The following RIC8B variants were observed in gnomAD, a reference collection of about 807,000 sequenced individuals.
RIC8B encodes chaperone Ric-8B.
Under a neutral mutation model 57.5 loss-of-function variants are expected in RIC8B, and 16 were observed. The observed-to-expected ratio is 0.28, with a 90% CI of 0.19 to 0.42. The LOEUF (loss-of-function observed/expected upper bound fraction) is 0.42, where lower values mean the gene tolerates loss of function less well. Ranked by LOEUF, RIC8B falls within the 10% of genes least tolerant of loss-of-function variation. The probability of loss-of-function intolerance (pLI) is 1.00; values close to 1 mark genes in which losing one functional copy is unlikely to be tolerated. For synonymous variants in RIC8B, 216 were observed against 250.8 expected (o/e 0.86, Z 1.31); for missense variants, 481 against 677.0 (o/e 0.71, Z 3.21).
At chr12:106,792,925 G>T (rs985626679) in intron 2 of RIC8B, among the ~76,000 whole-genome samples, 2 of 152,194 alleles carry the variant, frequency 1.3e-5, no homozygotes, top group Non-Finnish European at 2.9e-5. Context: ...AAGAATATAC[G>T]GTTCCCTTTC....
chr12:106,878,765 G>A (rs912783516), intron 9 of RIC8B, among the ~76,000 whole-genome samples: 11 of 152,074 alleles, frequency 7.2e-5, no homozygotes, highest in Admixed American at 5.2e-4. Context: ...AATAGCAGCC[G>A]CCCTCATTAA....
intron 2 of RIC8B, among the ~76,000 whole-genome samples, chr12:106,804,463 G>A (rs1433109887): frequency 1.3e-5 from 2 of 152,122 alleles, no homozygotes; most frequent in African/African-American, 2.4e-5. Flanking sequence ...TGATCCGCCC[G>A]CCTTGGCCTC....
chr12:106,782,531 C>A (rs970312633), intron 1 of RIC8B, among the ~76,000 whole-genome samples: 1 of 152,176 alleles, frequency 6.6e-6, no homozygotes, highest in Non-Finnish European at 1.5e-5. Flanking sequence ...ACACCTCCGT[C>A]GTAGTCTTCC....
At position 106,886,230 on chromosome 12, in the gene RIC8B, G is replaced by T; in HGVS notation, c.*215G>T. 2.2e-6 allele frequency: 1 copy of T among 458,196 alleles called. No individual in the cohort carries two copies. Among genetic ancestry groups the T allele is most frequent in the East Asian group, 3.4e-5 (1 of 29,164 alleles). The allele number at this position is 458,196 out of a possible 1,614,324, so 28.4% of individuals were successfully genotyped here. On this transcript the variant is annotated 3_prime_UTR_variant, in exon 10 of 10. Coordinates refer to ENST00000392837, the MANE Select transcript of RIC8B (RefSeq NM_001330145.2). ...GAGCTGCAGTTAGACGGGGTTACGGGGGCTAAAAGCAGAAAAAAAATTCCA... is the reference window on the plus strand; with the variant it reads ...GAGCTGCAGTTAGACGGGGTTACGGTGGCTAAAAGCAGAAAAAAAATTCCA...
In RIC8B at chr12:106,888,140, T is replaced by TA. The variant is rs1951256104; in HGVS notation, c.*2127dup. On this transcript the variant is annotated 3_prime_UTR_variant, in exon 10 of 10. Coordinates refer to ENST00000392837, the MANE Select transcript of RIC8B (RefSeq NM_001330145.2). The stretch of plus-strand genomic sequence containing the variant: ...CAGCTTACCTAAATGAAGATGTGTT[T>TA]AATGAAATGCCATCTTACCAGCTTT... 6.6e-6 allele frequency: 1 copy of TA among 152,520 alleles called. No homozygotes were observed. The allele number at this position is 152,520 out of a possible 1,614,324, so 9.4% of individuals were successfully genotyped here.
intron 4 of RIC8B, among the ~76,000 whole-genome samples, chr12:106,841,632 A>G (rs901550149): frequency 2.0e-5 from 3 of 152,088 alleles, no homozygotes; most frequent in Non-Finnish European, 4.4e-5. Context: ...GGATGTGGTT[A>G]TTTTTAGATC....
At chr12:106,824,421 G>A (rs2045998326) in intron 3 of RIC8B, among the ~76,000 whole-genome samples, 2 of 152,048 alleles carry the variant, frequency 1.3e-5, no homozygotes, top group African/African-American at 4.8e-5. Context: ...ACATGATGAT[G>A]TTATATTTAA....
In RIC8B at chr12:106,842,481, ATATTT is replaced by A. The variant is rs1948994121; in HGVS notation, c.837-105_837-101del. The A allele has an allele frequency of 7.2e-6, 6 of 836,950 alleles. No homozygotes were observed. In the Admixed American group the frequency reaches 8.5e-5, roughly 12 times the overall value. 51.8% of individuals were successfully genotyped at this position (836,950 alleles called of 1,614,324 possible). A position where few individuals can be genotyped will look rare whatever the true frequency, so the allele number is the denominator to read the frequency against. The stretch of plus-strand genomic sequence containing the variant: ...ATAATGGCTCATTTTTGGAAAAGAA[ATATTT>A]TAATTGACTCTTAAAAGTCACTTTT... On this transcript the variant is annotated intron_variant, in intron 4 of 9. Coordinates refer to ENST00000392837, the MANE Select transcript of RIC8B (RefSeq NM_001330145.2).
At chr12:106,809,719 T>C (rs971512366) in intron 2 of RIC8B, among the ~76,000 whole-genome samples, 2 of 152,094 alleles carry the variant, frequency 1.3e-5, no homozygotes, top group African/African-American at 4.8e-5. Flanking sequence ...GTAATAATTC[T>C]ACATATTTAT....
chr12:106,853,150 A>G (rs1949549823), intron 7 of RIC8B, among the ~76,000 whole-genome samples: 1 of 152,066 alleles, frequency 6.6e-6, no homozygotes, highest in African/African-American at 2.4e-5. Flanking sequence ...TAAAATGGGG[A>G]AAATAAAGTT....
At chr12:106,857,216 A>G (rs1301459486) in intron 7 of RIC8B, among the ~76,000 whole-genome samples, 1 of 152,140 alleles carries the variant, frequency 6.6e-6, no homozygotes, top group Non-Finnish European at 1.5e-5. Flanking sequence ...TAAGAAATGG[A>G]GGAGTGTGAG....
chr12:106,842,592 T>A lies in RIC8B; in HGVS notation c.840T>A (p.Asn280Lys). 2 of 1,611,718 alleles carry A rather than the reference T, an allele frequency of 1.2e-6. No individual in the cohort carries two copies. The highest frequency in any genetic ancestry group is 1.7e-6 in the Non-Finnish European group (2 of 1,178,364). Reference protein sequence around the residue: ...TEDKTEELHSNAVNLLSNVPV... With the variant: ...TEDKTEELHSKAVNLLSNVPV... ...TATTTTTTTAATTGCTTTTCAGCAA[T>A]GCAGTCAACCTTTTAAGCAATGTTC... is the stretch of plus-strand genomic sequence containing the variant. Residue 280 changes from asparagine (N) to lysine (K), a missense_variant, in exon 5 of 10, where the codon AAT becomes AAA. Transcript: ENST00000392837.
intron 6 of RIC8B, among the ~76,000 whole-genome samples, chr12:106,848,263 G>A (rs1184596774): frequency 6.6e-6 from 1 of 152,208 alleles, no homozygotes; most frequent in African/African-American, 2.4e-5. Flanking sequence ...GTCCATGGAG[G>A]TCTGTGTGTC....
chr12:106,845,433 T>C (rs1949142491), intron 6 of RIC8B, among the ~76,000 whole-genome samples: 1 of 152,158 alleles, frequency 6.6e-6, no homozygotes, highest in African/African-American at 2.4e-5. Context: ...CTTTCCACCA[T>C]TGCATCTGCT....
At chr12:106,821,946 C>T (rs1362913832) in intron 3 of RIC8B, among the ~76,000 whole-genome samples, 5 of 151,182 alleles carry the variant, frequency 3.3e-5, no homozygotes, top group African/African-American at 7.3e-5. Context: ...GCTGTGGTGG[C>T]GGGTGCCTGT....
chr12:106,788,405 T>C (rs1008462434), intron 2 of RIC8B, among the ~76,000 whole-genome samples: 2 of 152,186 alleles, frequency 1.3e-5, no homozygotes, highest in African/African-American at 4.8e-5. Flanking sequence ...CTCACAGCTC[T>C]ACTAGGCGGT....
intron 2 of RIC8B, among the ~76,000 whole-genome samples, chr12:106,785,771 C>T (rs1016414575): frequency 6.8e-6 from 1 of 146,280 alleles, no homozygotes; most frequent in East Asian, 2.0e-4. Flanking sequence ...GAGCTCCAGA[C>T]ATGTGTATTC....
At chr12:106,873,261 C>CA in intron 9 of RIC8B, 1 of 811,514 alleles carries the variant, frequency 1.2e-6, no homozygotes, top group Non-Finnish European at 1.5e-6. Context: ...AAAGTTGAAG[C>CA]AAAAGGCAAC....
intron 6 of RIC8B, among the ~76,000 whole-genome samples, chr12:106,844,556 T>G (rs965835676): frequency 1.1e-4 from 17 of 152,176 alleles, no homozygotes; most frequent in African/African-American, 4.1e-4. Context: ...TGTAGGACTT[T>G]CCATTCTCTT....
Sources: allele counts gnomAD v4.1 joint callset (sites outside exome capture counted in the v4.1 genomes callset), GRCh38; gene constraint gnomAD v4.1.1; transcripts MANE v1.5; gene names NCBI Gene and HGNC (gene_info 2026-07-23, HGNC 2026-07-21).